JAKMIP1: variants seen among roughly 807,000 people sequenced by gnomAD.
The protein encoded by JAKMIP1 is janus kinase and microtubule interacting protein 1, also known as janus kinase and microtubule-interacting protein 1.
Under a neutral mutation model 113.0 loss-of-function variants are expected in JAKMIP1, and 33 were observed. The observed-to-expected ratio is 0.29, with a 90% confidence interval of 0.22 to 0.39. JAKMIP1 has a LOEUF of 0.39. Ranked by LOEUF, JAKMIP1 falls within the 10% of genes least tolerant of loss-of-function variation. The pLI is 1.00. For missense variants in JAKMIP1, 813 were observed against 1,080.5 expected, an observed-to-expected ratio of 0.75 and a Z score of 3.47; for synonymous variants, 480 against 459.9, an observed-to-expected ratio of 1.04 and a Z score of -0.56.
At chr4:6,039,492 G>A (rs1236761577) in intron 18 of JAKMIP1, among the ~76,000 whole-genome samples, 1 of 152,120 alleles carries the variant, frequency 6.6e-6, no homozygotes, top group Non-Finnish European at 1.5e-5. Flanking sequence ...CACTAGGGAA[G>A]AACAGGGATG....
chr4:6,100,843 A>C (rs1157423096), intron 3 of JAKMIP1, among the ~76,000 whole-genome samples: 1 of 152,086 alleles, frequency 6.6e-6, no homozygotes, highest in African/African-American at 2.4e-5. Context: ...ACCTTTTCAC[A>C]TATTTGTTAG....
intron 8 of JAKMIP1, among the ~76,000 whole-genome samples, chr4:6,072,435 C>T (rs534999859): frequency 2.2e-4 from 33 of 152,330 alleles, no homozygotes; most frequent in South Asian, 1.0e-3. Flanking sequence ...TACCTTTGAT[C>T]AGAGCTGCAT....
chr4:6,185,936 T>C lies in JAKMIP1; in HGVS notation c.-148+14317A>G, dbSNP rs764922537. ...AGACTACAATTAAATATGACACTAG[T>C]TCAGACTGGACTTTTTTTTAATTAC... is the stretch of plus-strand genomic sequence containing the variant. On this transcript the variant is annotated intron_variant, in intron 1 of 20. Coordinates refer to ENST00000409021, the MANE Select transcript of JAKMIP1 (RefSeq NM_001099433.2). This position sits in a 1 kb window ranked among gnomAD's most constrained non-coding sequence, Gnocchi z 5.3. Among the ~76,000 whole-genome samples the C allele has an allele frequency of 1.1e-4, 16 of 152,178 alleles. No homozygotes were observed. Among genetic ancestry groups the C allele is most frequent in the Admixed American group, 3.3e-4 (5 of 15,282 alleles).
At chr4:6,098,127 A>G (rs1712144231) in intron 3 of JAKMIP1, among the ~76,000 whole-genome samples, 1 of 152,170 alleles carries the variant, frequency 6.6e-6, no homozygotes, top group African/African-American at 2.4e-5. Context: ...ACTACCACCC[A>G]GGTCAGAAAA....
intron 1 of JAKMIP1, among the ~76,000 whole-genome samples, chr4:6,182,564 C>T (rs1466392198): frequency 1.3e-5 from 2 of 152,156 alleles, no homozygotes; most frequent in African/African-American, 2.4e-5. Flanking sequence ...TCACCATGAA[C>T]CAAGTTGTCT....
chr4:6,122,304 C>G (rs993779144), intron 1 of JAKMIP1, among the ~76,000 whole-genome samples: 1 of 152,060 alleles, frequency 6.6e-6, no homozygotes, highest in Non-Finnish European at 1.5e-5. Context: ...CCAGCCTGGG[C>G]GACAGAGTGA....
Position 6,176,111 on chromosome 4 carries a change from A to T in JAKMIP1, c.-148+24142T>A, listed in dbSNP as rs953198276. Among the ~76,000 whole-genome samples the T allele has an allele frequency of 6.6e-6, 1 of 152,246 alleles. No homozygotes were observed. Among genetic ancestry groups the T allele is most frequent in the African/African-American group, 2.4e-5 (1 of 41,468 alleles). Reference sequence around the variant, plus strand: ...ACATGGTGTAATGCTCCCCTGGAGTAGTCAGAGATCTAGTGAGAAGAAGGG... The same window carrying T: ...ACATGGTGTAATGCTCCCCTGGAGTTGTCAGAGATCTAGTGAGAAGAAGGG... On this transcript the variant is annotated intron_variant, in intron 1 of 20. Coordinates refer to ENST00000409021, the MANE Select transcript of JAKMIP1 (RefSeq NM_001099433.2). The surrounding 1 kb of genome is among the most constrained non-coding windows in gnomAD (Gnocchi z 5.5).
rs1235806818 is a variant in JAKMIP1, at chr4:6,141,832, T to G, written c.-147-28835A>C. Among the ~76,000 whole-genome samples the G allele has an allele frequency of 6.6e-6, 1 of 152,116 alleles. No homozygotes were observed. The highest frequency in any genetic ancestry group is 1.5e-5 in the Non-Finnish European group (1 of 68,034). ...AGCCCGGTGGGAGCGGAAGTTGATGTGGAAACCACTCATTTCTGCTGTCAG... is the reference window on the plus strand; with the variant it reads ...AGCCCGGTGGGAGCGGAAGTTGATGGGGAAACCACTCATTTCTGCTGTCAG... On this transcript the variant is annotated intron_variant, in intron 1 of 20. Coordinates refer to ENST00000409021, the MANE Select transcript of JAKMIP1 (RefSeq NM_001099433.2). The surrounding 1 kb of genome is among the most constrained non-coding windows in gnomAD (Gnocchi z 9.4).
chr4:6,145,864 G>C (rs1720778428), intron 1 of JAKMIP1, among the ~76,000 whole-genome samples: 1 of 152,036 alleles, frequency 6.6e-6, no homozygotes, highest in Non-Finnish European at 1.5e-5. Context: ...AATCACACCA[G>C]TCATATTGAA....
intron 8 of JAKMIP1, among the ~76,000 whole-genome samples, chr4:6,073,462 G>A (rs1719265092): frequency 6.6e-6 from 1 of 152,182 alleles, no homozygotes; most frequent in East Asian, 1.9e-4. Flanking sequence ...GCAGTCCCCA[G>A]CCCTCCCTTA....
intron 1 of JAKMIP1, among the ~76,000 whole-genome samples, chr4:6,117,779 C>T (rs552482351): frequency 7.9e-5 from 12 of 152,218 alleles, no homozygotes; most frequent in African/African-American, 2.4e-4. Flanking sequence ...TTCTCAGGGA[C>T]GTTCCATGCT....
At position 6,138,617 on chromosome 4, in the gene JAKMIP1, T is replaced by C. The variant is rs1345657073; in HGVS notation, c.-147-25620A>G. Among the ~76,000 whole-genome samples, 1 of 152,104 alleles carries C rather than the reference T, an allele frequency of 6.6e-6. No individual in the cohort carries two copies. Among genetic ancestry groups the C allele is most frequent in the Non-Finnish European group, 1.5e-5 (1 of 68,030 alleles). On this transcript the variant is annotated intron_variant, in intron 1 of 20. Coordinates refer to ENST00000409021, the MANE Select transcript of JAKMIP1 (RefSeq NM_001099433.2). This position sits in a 1 kb window ranked among gnomAD's most constrained non-coding sequence, Gnocchi z 6.0. ...CAGAAAACCAAATATTTTGACGATG[T>C]TAACTACAGACAGACCCTCCACACA...
chr4:6,029,710 A>T lies in JAKMIP1; in HGVS notation c.2445+6T>A. 6.3e-7 allele frequency: 1 copy of T among 1,589,144 alleles called. No homozygotes were observed. The highest frequency in any genetic ancestry group is 8.6e-7 in the Non-Finnish European group (1 of 1,163,444). ...CCTGGGGACAGTCTGAGCTGCAGTC[A>T]CCTACCTTTTCCTCCAGTTCTTTCA... is the stretch of plus-strand genomic sequence containing the variant. On this transcript the variant is annotated splice_donor_region_variant and intron_variant, in intron 20 of 20. Coordinates refer to ENST00000409021, the MANE Select transcript of JAKMIP1 (RefSeq NM_001099433.2).
rs546465110 is a variant in JAKMIP1, at chr4:6,048,849, G to A, written c.2028+8C>T. The A allele has an allele frequency of 6.2e-7, 1 of 1,611,852 alleles. No individual in the cohort carries two copies. Among genetic ancestry groups the A allele is most frequent in the African/African-American group, 1.3e-5 (1 of 74,900 alleles). ...AGGTGTGAGCACAGAAATGCCGCTG[G>A]CTTCTACCTTTTCACACAGGGCAAG... On this transcript the variant is annotated splice_region_variant and intron_variant, in intron 16 of 20. Transcript: ENST00000409021.
chr4:6,068,371 G>A (rs1199343651), intron 8 of JAKMIP1, among the ~76,000 whole-genome samples: 1 of 152,080 alleles, frequency 6.6e-6, no homozygotes, highest in Non-Finnish European at 1.5e-5. Flanking sequence ...ATGCTGCTTT[G>A]AGGGAAAGAG....
chr4:6,180,815 A>T lies in JAKMIP1; in HGVS notation c.-148+19438T>A, dbSNP rs1193383695. On this transcript the variant is annotated intron_variant, in intron 1 of 20. Coordinates refer to ENST00000409021, the MANE Select transcript of JAKMIP1 (RefSeq NM_001099433.2). The surrounding 1 kb of genome is among the most constrained non-coding windows in gnomAD (Gnocchi z 4.5). ...CTTTGTTCTCAGAGGGCCATGGCAC[A>T]TTGAGCAGGGAGGAGTCTAGCTGCT... Among the ~76,000 whole-genome samples the T allele has an allele frequency of 4.6e-5, 7 of 152,282 alleles. No individual in the cohort carries two copies. Among genetic ancestry groups the T allele is most frequent in the Middle Eastern group, 3.4e-3 (1 of 294 alleles).
chr4:6,109,376 G>A lies in JAKMIP1; in HGVS notation c.129+3346C>T, dbSNP rs528668593. Among the ~76,000 whole-genome samples the A allele has an allele frequency of 4.4e-4, 67 of 151,660 alleles. 1 individual carries two copies. Among genetic ancestry groups the A allele is most frequent in the Admixed American group, 1.6e-3 (24 of 15,236 alleles). On this transcript the variant is annotated intron_variant, in intron 2 of 20. Transcript: ENST00000409021. Reference sequence around the variant, plus strand: ...TCTCGATCTCCTGACCTCATTATCCGCCCGCCTTGGCCTCCCAAAGTGCTG... The same window carrying A: ...TCTCGATCTCCTGACCTCATTATCCACCCGCCTTGGCCTCCCAAAGTGCTG...
At chr4:6,054,195 G>A (rs1716032005) in intron 12 of JAKMIP1, 47 bp from the exon 13 acceptor site, 4 of 1,591,774 alleles carry the variant, frequency 2.5e-6, no homozygotes, top group Non-Finnish European at 2.6e-6. Context: ...GGGAGCACTG[G>A]GGTCCCCTGG....
At chr4:6,169,594 C>A (rs1213754881) in intron 1 of JAKMIP1, among the ~76,000 whole-genome samples, 1 of 94,056 alleles carries the variant, frequency 1.1e-5, no homozygotes, top group Non-Finnish European at 2.0e-5. Flanking sequence ...TTACACCAGC[C>A]CTAGGAAATT....
Sources: allele counts gnomAD v4.1 joint callset (sites outside exome capture counted in the v4.1 genomes callset), GRCh38; gene constraint gnomAD v4.1.1; non-coding constraint Gnocchi (gnomAD v3.1); transcripts MANE v1.5; gene names NCBI Gene and HGNC (gene_info 2026-07-23, HGNC 2026-07-21).